Variants in TTLL12 observed in about 807,000 individuals in gnomAD.
The protein encoded by TTLL12 is tubulin tyrosine ligase like 12.
Under a neutral mutation model 79.6 loss-of-function variants are expected in TTLL12, and 77 were observed. The observed-to-expected ratio is 0.97, with a 90% CI of 0.81 to 1.17. The LOEUF is 1.17. Ranked by LOEUF, TTLL12 falls within the 50% of genes most tolerant of loss-of-function variation. The pLI is 0.00. For missense variants in TTLL12, 969 were observed against 895.9 expected, an observed-to-expected ratio of 1.08 and a Z score of -1.04; for synonymous variants, 437 against 376.1, an observed-to-expected ratio of 1.16 and a Z score of -1.87.
At chr22:43,169,337 G>C (rs1462323572) in intron 12 of TTLL12, among the ~76,000 whole-genome samples, 163 bp downstream of exon 12, 1 of 152,198 alleles carries the variant, frequency 6.6e-6, no homozygotes, top group Non-Finnish European at 1.5e-5. Context: ...GGAAGGGAGG[G>C]GAGCCCACGC....
intron 11 of TTLL12, among the ~76,000 whole-genome samples, chr22:43,170,715 A>C (rs1601767134): frequency 6.6e-6 from 1 of 152,164 alleles, no homozygotes; most frequent in African/African-American, 2.4e-5. Flanking sequence ...GTTTCAGACA[A>C]GCCTGGGCAA....
chr22:43,173,875 A>G (rs1182520167), intron 8 of TTLL12, 49 bp from the exon 9 acceptor site: 1 of 1,540,308 alleles, frequency 6.5e-7, no homozygotes, highest in Admixed American at 1.8e-5. Flanking sequence ...CTGTGTTCCC[A>G]GATGGTGCCA....
intron 1 of TTLL12, among the ~76,000 whole-genome samples, chr22:43,186,235 G>C (rs2146628387): frequency 7.2e-6 from 1 of 139,400 alleles, no homozygotes; most frequent in Non-Finnish European, 1.5e-5. Flanking sequence ...CTCAGCCTCT[G>C]GGCACGCAAT....
chr22:43,182,748 G>C (rs577960674), intron 2 of TTLL12, among the ~76,000 whole-genome samples: 1 of 152,196 alleles, frequency 6.6e-6, no homozygotes, highest in African/African-American at 2.4e-5. Flanking sequence ...CAATGAGACC[G>C]CTGGGAGAGG....
At chr22:43,176,495 T>C (rs1931916598) in intron 5 of TTLL12, 99 bp from the exon 6 acceptor site, 1 of 955,188 alleles carries the variant, frequency 1.0e-6, no homozygotes, top group Non-Finnish European at 1.7e-6. Flanking sequence ...TTTGAGAGGG[T>C]GAGGCAGGTG....
At chr22:43,181,739 G>A (rs893351798) in intron 2 of TTLL12, among the ~76,000 whole-genome samples, 2 of 152,218 alleles carry the variant, frequency 1.3e-5, no homozygotes, top group South Asian at 2.1e-4. Flanking sequence ...GGGACAGCCA[G>A]TGTTCCAGTT....
At position 43,174,537 on chromosome 22, in the gene TTLL12, G is replaced by C. The variant is rs749338737; in HGVS notation, c.996C>G (p.Ala332=). 3 of 1,613,422 alleles carry C rather than the reference G, an allele frequency of 1.9e-6. No homozygotes were observed. The Admixed American group carries it at 5.0e-5, about 27-fold the overall frequency. The part of the protein sequence containing the change: ...RFTLTQSEAD[A]DILFNFSHFK... ...AGTGTGAGAAGTTGAAGAGGATGTC[G>C]GCGTCCGCCTCACTCTGGGTGAGGG... The change falls in exon 7 of 14, where the codon GCC becomes GCG. Residue 332 remains alanine, a synonymous_variant. Transcript: ENST00000216129.
Position 43,174,620 on chromosome 22 carries a change from G to T in TTLL12, c.918-5C>A, listed in dbSNP as rs558905097. 1.3e-6 allele frequency: 2 copies of T among 1,595,024 alleles called. No homozygotes were observed. Among genetic ancestry groups the T allele is most frequent in the East Asian group, 2.2e-5 (1 of 44,470 alleles). On this transcript the variant is annotated splice_region_variant and splice_polypyrimidine_tract_variant and intron_variant, in intron 6 of 13. Coordinates refer to ENST00000216129, the MANE Select transcript of TTLL12 (RefSeq NM_015140.4). Reference sequence around the variant, plus strand: ...TGCTGCACGTCCGTGTAGACCCTGTGGGGAGAGCCCGAGCTGGGTGATCCC... The same window carrying T: ...TGCTGCACGTCCGTGTAGACCCTGTTGGGAGAGCCCGAGCTGGGTGATCCC...
intron 2 of TTLL12, 122 bp from the exon 3 acceptor site, chr22:43,181,062 T>C: frequency 8.7e-7 from 1 of 1,150,048 alleles, no homozygotes; most frequent in Non-Finnish European, 1.2e-6. Flanking sequence ...TTTGGTCTAC[T>C]GGGTGCCATA....
At chr22:43,179,146 G>A (rs917300589) in intron 5 of TTLL12, among the ~76,000 whole-genome samples, 2 of 152,206 alleles carry the variant, frequency 1.3e-5, no homozygotes, top group East Asian at 1.9e-4. Flanking sequence ...AGGCACTACC[G>A]AGTGGGCCAG....
chr22:43,173,374 G>A (rs118162361), intron 9 of TTLL12, among the ~76,000 whole-genome samples: 6,471 of 152,004 alleles, frequency 0.043, 181 homozygotes, highest in Middle Eastern at 0.088. Flanking sequence ...GCAGTGACGC[G>A]ATCACAGCTC....
rs759416075 is a variant in TTLL12, at chr22:43,174,224, TG to T, written c.1213del (p.Gln405SerfsTer76). 1 of 1,604,108 alleles carries T rather than the reference TG, an allele frequency of 6.2e-7. No homozygotes were observed. The highest frequency in any genetic ancestry group is 1.7e-5 in the Admixed American group (1 of 60,002). ...TGGGACTTACCACCTTTCCCGCTGC[TG>T]GAAGTAGCTGACAAACTGGGGCAGC... ...TELPQFVSYF[Q>X]QRERWGEDNH... On this transcript the variant is annotated frameshift_variant, in exon 8 of 14. Transcript: ENST00000216129. LOFTEE classifies it high-confidence loss of function.
intron 2 of TTLL12, among the ~76,000 whole-genome samples, chr22:43,181,670 C>T (rs566196816): frequency 1.1e-4 from 16 of 152,220 alleles, no homozygotes; most frequent in African/African-American, 3.6e-4. Flanking sequence ...CACACAGGTG[C>T]CTAATAGACA....
intron 2 of TTLL12, 22 bp downstream of exon 2, chr22:43,182,958 G>A (rs761086902): frequency 1.2e-5 from 20 of 1,607,032 alleles, no homozygotes; most frequent in Middle Eastern, 1.7e-4. Context: ...GGTTGTGGTG[G>A]TGTCTCTGGC....
chr22:43,185,966 C>G, intron 1 of TTLL12: 1 of 985,420 alleles, frequency 1.0e-6, no homozygotes, highest in Non-Finnish European at 1.2e-6. Flanking sequence ...ACTCACTGCA[C>G]GTTTCCAGCA....
intron 1 of TTLL12, among the ~76,000 whole-genome samples, chr22:43,183,462 T>A (rs1273712685): frequency 6.6e-6 from 1 of 152,148 alleles, no homozygotes; most frequent in Non-Finnish European, 1.5e-5. Context: ...GTATCTGTAG[T>A]CCACCCCACT....
intron 11 of TTLL12, 133 bp from the exon 12 acceptor site, chr22:43,169,701 C>A: frequency 1.2e-6 from 1 of 831,788 alleles, no homozygotes; most frequent in East Asian, 2.7e-5. Flanking sequence ...CAACCCCGAA[C>A]CCTCAGGGTC....
chr22:43,174,779 G>A (rs1356567631), intron 6 of TTLL12, among the ~76,000 whole-genome samples, 164 bp from the exon 7 acceptor site: 5 of 152,194 alleles, frequency 3.3e-5, no homozygotes, highest in Non-Finnish European at 5.9e-5. Context: ...TTCAGACCCC[G>A]CTCCCTCCAA....
chr22:43,182,480 C>A (rs1269521755), intron 2 of TTLL12, among the ~76,000 whole-genome samples: 1 of 152,214 alleles, frequency 6.6e-6, no homozygotes, highest in Admixed American at 6.5e-5. Context: ...CTAGGGATAG[C>A]CACTCTTGGT....
Sources: allele counts gnomAD v4.1 joint callset (sites outside exome capture counted in the v4.1 genomes callset), GRCh38; gene constraint gnomAD v4.1.1; transcripts MANE v1.5; gene names NCBI Gene and HGNC (gene_info 2026-07-23, HGNC 2026-07-21).